Variants in EPHB2 observed in about 807,000 individuals in gnomAD.
EPHB2 encodes the protein ephrin type-B receptor 2.
A neutral mutation model predicts 96.4 loss-of-function variants in EPHB2; 18 were observed. That is an observed-to-expected ratio of 0.19 (90% confidence interval 0.13 to 0.28). The LOEUF (loss-of-function observed/expected upper bound fraction) is 0.28, where lower values mean the gene tolerates loss of function less well. EPHB2 is among the 10% of genes least tolerant of loss of function. EPHB2 has a pLI of 1.00. For missense variants in EPHB2, 989 were observed against 1,355.4 expected (o/e 0.73, Z 4.25); for synonymous variants, 506 against 534.1 (o/e 0.95, Z 0.72).
intron 9 of EPHB2, among the ~76,000 whole-genome samples, chr1:22,899,735 G>A (rs1007182218): frequency 1.3e-5 from 2 of 152,172 alleles, no homozygotes; most frequent in African/African-American, 4.8e-5. Context: ...GTTCATGCCT[G>A]TATTCCCAGC....
chr1:22,802,387 C>T (rs1289443923), intron 3 of EPHB2, among the ~76,000 whole-genome samples: 1 of 152,088 alleles, frequency 6.6e-6, no homozygotes, highest in East Asian at 1.9e-4. Flanking sequence ...TTGCAAAACA[C>T]TTTATGTATG....
chr1:22,732,656 C>G (rs911477665), intron 1 of EPHB2, among the ~76,000 whole-genome samples: 1 of 152,146 alleles, frequency 6.6e-6, no homozygotes, highest in Non-Finnish European at 1.5e-5. Flanking sequence ...GGACTGCCCC[C>G]CGGCCCCGCT....
intron 1 of EPHB2, among the ~76,000 whole-genome samples, chr1:22,778,291 G>C (rs896953235): frequency 2.6e-5 from 4 of 152,130 alleles, no homozygotes; most frequent in African/African-American, 9.7e-5. Flanking sequence ...AGGTCCATTT[G>C]TAATAGTCTG....
chr1:22,768,126 T>C (rs1260605087), intron 1 of EPHB2, among the ~76,000 whole-genome samples: 1 of 152,174 alleles, frequency 6.6e-6, no homozygotes, highest in East Asian at 1.9e-4. Context: ...GATGCAGGCA[T>C]TCTGGAAACG....
At chr1:22,843,722 A>G (rs1248010639) in intron 3 of EPHB2, among the ~76,000 whole-genome samples, 1 of 152,020 alleles carries the variant, frequency 6.6e-6, no homozygotes, top group Non-Finnish European at 1.5e-5. Context: ...TGTATTTTTA[A>G]TAGAGACAGG....
At chr1:22,714,888 A>G (rs1003146006) in intron 1 of EPHB2, among the ~76,000 whole-genome samples, 1 of 152,202 alleles carries the variant, frequency 6.6e-6, no homozygotes, top group Non-Finnish European at 1.5e-5. Context: ...TCTCTCTTCT[A>G]AAACAGACCC....
intron 1 of EPHB2, among the ~76,000 whole-genome samples, chr1:22,756,816 G>A (rs867643450): frequency 6.8e-6 from 1 of 146,296 alleles, no homozygotes; most frequent in Non-Finnish European, 1.5e-5. Context: ...TGAGGAGGCT[G>A]TAGACAGAAC....
chr1:22,905,778 C>G (rs1639891894), intron 9 of EPHB2, among the ~76,000 whole-genome samples: 1 of 152,228 alleles, frequency 6.6e-6, no homozygotes, highest in Non-Finnish European at 1.5e-5. Flanking sequence ...GCCACCCCTG[C>G]TGGTCTCTGT....
chr1:22,873,089 C>A (rs964394077), intron 5 of EPHB2, among the ~76,000 whole-genome samples: 10 of 152,248 alleles, frequency 6.6e-5, no homozygotes, highest in African/African-American at 2.4e-4. Context: ...TAGCCACTGC[C>A]ACAGTAGTGC....
At chr1:22,871,067 G>A (rs184054517) in intron 5 of EPHB2, among the ~76,000 whole-genome samples, 162 of 152,314 alleles carry the variant, frequency 1.1e-3, no homozygotes, top group Non-Finnish European at 1.4e-3. Flanking sequence ...GCCAGGCACC[G>A]TGCTAAGCCC....
At chr1:22,812,608 C>T (rs1305343976) in intron 3 of EPHB2, among the ~76,000 whole-genome samples, 1 of 152,130 alleles carries the variant, frequency 6.6e-6, no homozygotes, top group Non-Finnish European at 1.5e-5. Flanking sequence ...GGGAGAGGGA[C>T]GTGGCCCCAC....
rs751185915 is a variant in EPHB2, at chr1:22,913,326, G to GCCCACTC, written c.2853-117_2853-111dup. The GCCCACTC allele has an allele frequency of 2.2e-5, 25 of 1,159,908 alleles. No homozygotes were observed. Among genetic ancestry groups the GCCCACTC allele is most frequent in the African/African-American group, 7.6e-5 (5 of 65,460 alleles). 71.9% of individuals were successfully genotyped at this position (1,159,908 alleles called of 1,614,324 possible). A position where few individuals can be genotyped will look rare whatever the true frequency, so the allele number is the denominator to read the frequency against. On this transcript the variant is annotated intron_variant, in intron 15 of 15. Coordinates refer to ENST00000374630, the MANE Select transcript of EPHB2 (RefSeq NM_017449.5). The surrounding 1 kb of genome is among the most constrained non-coding windows in gnomAD (Gnocchi z 4.1). ...TCGCTCCCTCCAGCTGTGGCTGCCTGCCCACTCCCCACTCCCCACTCCCCA... is the reference window on the plus strand; with the variant it reads ...TCGCTCCCTCCAGCTGTGGCTGCCTGCCCACTCCCCACTCCCCACTCCCCACTCCCCA...
intron 3 of EPHB2, among the ~76,000 whole-genome samples, chr1:22,826,678 GT>G (rs1359482486): frequency 6.7e-6 from 1 of 149,798 alleles, no homozygotes; most frequent in Non-Finnish European, 1.5e-5. Flanking sequence ...TCTTCCAGCC[GT>G]GCTGGAGCTG....
intron 1 of EPHB2, among the ~76,000 whole-genome samples, chr1:22,750,261 G>A (rs1461908632): frequency 6.6e-6 from 1 of 152,204 alleles, no homozygotes; most frequent in Non-Finnish European, 1.5e-5. Flanking sequence ...TCCAGGGAAG[G>A]TAGTGGCTGG....
In EPHB2 at chr1:22,826,834, A is replaced by G. The variant is rs538450017; in HGVS notation, c.812-36203A>G. On this transcript the variant is annotated intron_variant, in intron 3 of 15. Coordinates refer to ENST00000374630, the MANE Select transcript of EPHB2 (RefSeq NM_017449.5). ...CTGTCACGCCTGCCTCCCCCAGGAC[A>G]GCAAGCTCTTCCAGCAATGCTGGAG... Among the ~76,000 whole-genome samples the G allele has an allele frequency of 2.6e-5, 4 of 152,246 alleles. No homozygotes were observed. In the East Asian group the frequency reaches 7.8e-4, roughly 30 times the overall value.
intron 3 of EPHB2, among the ~76,000 whole-genome samples, chr1:22,789,072 C>G (rs1644654962): frequency 6.6e-6 from 1 of 152,134 alleles, no homozygotes; most frequent in Non-Finnish European, 1.5e-5. Flanking sequence ...CATTTTTAAA[C>G]AAGCAGTCCT....
At chr1:22,800,767 A>G (rs1644831162) in intron 3 of EPHB2, among the ~76,000 whole-genome samples, 3 of 113,634 alleles carry the variant, frequency 2.6e-5, no homozygotes, top group Admixed American at 9.3e-5. Context: ...GTGCGTGTGT[A>G]TGTGACACAC....
At chr1:22,758,356 T>A (rs941300903) in intron 1 of EPHB2, among the ~76,000 whole-genome samples, 4 of 151,718 alleles carry the variant, frequency 2.6e-5, no homozygotes, top group African/African-American at 9.7e-5. Context: ...ACCCAGAGGG[T>A]CCCTCCTAGG....
intron 1 of EPHB2, among the ~76,000 whole-genome samples, chr1:22,747,397 G>A (rs1315417955): frequency 1.3e-5 from 2 of 152,254 alleles, no homozygotes; most frequent in Non-Finnish European, 1.5e-5. Context: ...GCTTGCCCAA[G>A]GCCCGACTCA....
Sources: gnomAD v4.1 joint callset for allele counts (sites outside exome capture counted in the v4.1 genomes callset) on GRCh38, gnomAD v4.1.1 for gene constraint, Gnocchi (gnomAD v3.1) non-coding constraint, MANE v1.5 for transcripts, NCBI Gene and HGNC (gene_info 2026-07-23, HGNC 2026-07-21) for gene names.